Variants in KCNMA1 observed in about 807,000 individuals in gnomAD.
The protein encoded by KCNMA1 is Calcium-activated potassium channel subunit alpha-1.
KCNMA1 carries 29 observed loss-of-function variants against 140.0 expected under a neutral mutation model. That is an observed-to-expected ratio of 0.21 (90% CI 0.15 to 0.28). The LOEUF is 0.28. Among genes scored for constraint, KCNMA1 ranks in the 10% least tolerant of loss-of-function variants. The probability of loss-of-function intolerance (pLI) is 1.00; values close to 1 mark genes in which losing one functional copy is unlikely to be tolerated. For missense variants in KCNMA1, 880 were observed against 1,602.2 expected (o/e 0.55, Z 7.70); for synonymous variants, 612 against 611.9 (o/e 1.00, Z 0.00).
At chr10:77,111,821 G>A (rs1005994281) in intron 7 of KCNMA1, among the ~76,000 whole-genome samples, 2 of 152,198 alleles carry the variant, frequency 1.3e-5, no homozygotes, top group African/African-American at 4.8e-5. Flanking sequence ...CTAAAAGCAG[G>A]GGGAAAGTCT....
At chr10:76,976,648 A>G (rs1299320528) in intron 19 of KCNMA1, among the ~76,000 whole-genome samples, 5 of 152,066 alleles carry the variant, frequency 3.3e-5, no homozygotes, top group African/African-American at 1.2e-4. Flanking sequence ...AGCCCCCCAT[A>G]TCTAGAATCG....
chr10:77,574,507 T>C (rs1347249112), intron 1 of KCNMA1, among the ~76,000 whole-genome samples: 2 of 152,172 alleles, frequency 1.3e-5, no homozygotes, highest in Non-Finnish European at 2.9e-5. Flanking sequence ...ATTAAAATCA[T>C]CCCAGACTGA....
intron 20 of KCNMA1, 106 bp downstream of exon 20, chr10:76,969,868 G>A (rs1473036910): frequency 1.2e-6 from 1 of 843,828 alleles, no homozygotes; most frequent in Non-Finnish European, 2.0e-6. Context: ...CCCACCCCGG[G>A]CTTGCTGGGG....
At chr10:77,603,457 C>A (rs1181844052) in intron 1 of KCNMA1, among the ~76,000 whole-genome samples, 3 of 152,200 alleles carry the variant, frequency 2.0e-5, no homozygotes, top group Non-Finnish European at 4.4e-5. Context: ...GCAATCCAAA[C>A]AGGGAGACAG....
intron 1 of KCNMA1, among the ~76,000 whole-genome samples, chr10:77,491,925 C>T (rs1487580320): frequency 6.6e-6 from 1 of 152,184 alleles, no homozygotes; most frequent in Non-Finnish European, 1.5e-5. Context: ...ACCCATAGCC[C>T]TTAGATGTGT....
chr10:77,002,730 A>G (rs181163121), intron 18 of KCNMA1, among the ~76,000 whole-genome samples: 63 of 152,294 alleles, frequency 4.1e-4, no homozygotes, highest in African/African-American at 1.4e-3. Flanking sequence ...ATTTCAGTAC[A>G]AGAGAAGGTT....
chr10:77,533,086 G>T (rs1464831568), intron 1 of KCNMA1, among the ~76,000 whole-genome samples: 1 of 152,184 alleles, frequency 6.6e-6, no homozygotes, highest in South Asian at 2.1e-4. Flanking sequence ...GAAAATATTT[G>T]TAGAGTGAAT....
chr10:76,937,260 C>T (rs2060810233), intron 23 of KCNMA1, among the ~76,000 whole-genome samples: 1 of 152,154 alleles, frequency 6.6e-6, no homozygotes, highest in South Asian at 2.1e-4. Flanking sequence ...ATTAAATGGC[C>T]CTTTAAGCCT....
At chr10:77,404,310 ACT>A (rs1367970102) in intron 1 of KCNMA1, among the ~76,000 whole-genome samples, 1 of 151,980 alleles carries the variant, frequency 6.6e-6, no homozygotes, top group African/African-American at 2.4e-5. Flanking sequence ...ATGAAGTCTC[ACT>A]CTGTCACCCA....
intron 2 of KCNMA1, among the ~76,000 whole-genome samples, chr10:77,300,731 G>A (rs2076332821): frequency 6.6e-6 from 1 of 152,144 alleles, no homozygotes; most frequent in Non-Finnish European, 1.5e-5. Flanking sequence ...GGGTAATTTT[G>A]CAGCATAGTC....
chr10:77,592,865 T>C (rs1461025813), intron 1 of KCNMA1, among the ~76,000 whole-genome samples: 1 of 152,174 alleles, frequency 6.6e-6, no homozygotes, highest in Non-Finnish European at 1.5e-5. Context: ...CCCGGCAGCC[T>C]GAGCCCCTGG....
intron 14 of KCNMA1, among the ~76,000 whole-genome samples, chr10:77,055,706 C>T (rs1198810106): frequency 6.6e-6 from 1 of 152,128 alleles, no homozygotes; most frequent in Non-Finnish European, 1.5e-5. Context: ...TGCCCTTCTA[C>T]CAGTTGGCCC....
chr10:77,137,245 T>C (rs991478127), intron 5 of KCNMA1, among the ~76,000 whole-genome samples: 1 of 152,156 alleles, frequency 6.6e-6, no homozygotes, highest in African/African-American at 2.4e-5. Flanking sequence ...TCCAAGCCCA[T>C]ACCAGAAAGC....
rs112160749 is a variant in KCNMA1, at chr10:76,949,583, A to T, written c.2485-217T>A. The T allele has an allele frequency of 1.0e-3, 589 of 591,854 alleles. 4 individuals carry two copies. The highest frequency in any genetic ancestry group is 9.5e-3 in the African/African-American group (513 of 53,920). The allele number at this position is 591,854 out of a possible 1,614,324, so 36.7% of individuals were successfully genotyped here. A position where few individuals can be genotyped will look rare whatever the true frequency, so the allele number is the denominator to read the frequency against. On this transcript the variant is annotated intron_variant, in intron 21 of 27. Coordinates refer to ENST00000286628, the MANE Select transcript of KCNMA1 (RefSeq NM_001161352.2). The stretch of plus-strand genomic sequence containing the variant: ...ATATTTTTGTAATAAATCTGTCCAA[A>T]TGTATAGCCATACACATTGCTACCT...
intron 5 of KCNMA1, among the ~76,000 whole-genome samples, chr10:77,131,333 C>T (rs1016621644): frequency 9.2e-5 from 14 of 152,170 alleles, no homozygotes; most frequent in Admixed American, 8.5e-4. Flanking sequence ...AGGCCAAGCA[C>T]GGTGGCTCAT....
At chr10:77,357,938 C>T (rs1186796672) in intron 2 of KCNMA1, among the ~76,000 whole-genome samples, 1 of 152,020 alleles carries the variant, frequency 6.6e-6, no homozygotes, top group Non-Finnish European at 1.5e-5. Context: ...CTGGGGGTCT[C>T]GGGAACACCA....
chr10:77,592,607 T>G (rs905643554), intron 1 of KCNMA1, among the ~76,000 whole-genome samples: 3 of 152,142 alleles, frequency 2.0e-5, no homozygotes, highest in Non-Finnish European at 4.4e-5. Flanking sequence ...CATCCTTAAA[T>G]AGAGAAGTGA....
intron 25 of KCNMA1, among the ~76,000 whole-genome samples, chr10:76,908,724 A>G (rs541343229): frequency 1.6e-3 from 237 of 152,368 alleles, no homozygotes; most frequent in Admixed American, 3.5e-3. Flanking sequence ...TAATGTGTTC[A>G]GAAAAGCTCT....
chr10:77,350,333 T>C (rs1468217737), intron 2 of KCNMA1: 1 of 152,270 alleles, frequency 6.6e-6, no homozygotes, highest in African/African-American at 2.4e-5. Flanking sequence ...ACTTACAGTT[T>C]TATCACTGGT....
Sources: allele counts gnomAD v4.1 joint callset (sites outside exome capture counted in the v4.1 genomes callset), GRCh38; gene constraint gnomAD v4.1.1; transcripts MANE v1.5; gene names NCBI Gene and HGNC (gene_info 2026-07-23, HGNC 2026-07-21).